The following PIK3CD variants were observed in gnomAD, a reference collection of about 807,000 sequenced individuals.
The protein encoded by PIK3CD is phosphatidylinositol 4,5-bisphosphate 3-kinase catalytic subunit delta isoform.
PIK3CD carries 20 observed loss-of-function variants against 122.9 expected under a neutral mutation model. The observed-to-expected ratio is 0.16, with a 90% confidence interval of 0.11 to 0.24. PIK3CD has a LOEUF of 0.24. Ranked by LOEUF, PIK3CD falls within the 10% of genes least tolerant of loss-of-function variation. The pLI, the probability that PIK3CD is intolerant of heterozygous loss-of-function variation, is 1.00. For synonymous variants in PIK3CD, 596 were observed against 593.4 expected, an observed-to-expected ratio of 1.00 and a Z score of -0.06; for missense variants, 787 against 1,406.3, an observed-to-expected ratio of 0.56 and a Z score of 7.04.
intron 14 of PIK3CD, 26 bp from the exon 15 acceptor site, chr1:9,721,418 G>A: frequency 6.2e-7 from 1 of 1,612,562 alleles, no homozygotes; most frequent in Non-Finnish European, 8.5e-7. Context: ...GGGAGCTCCA[G>A]GCCCCAGCGC....
At chr1:9,693,780 C>A (rs1004911844) in intron 2 of PIK3CD, among the ~76,000 whole-genome samples, 1 of 151,500 alleles carries the variant, frequency 6.6e-6, no homozygotes, top group African/African-American at 2.4e-5. Context: ...GAGAGGGAAG[C>A]TGAGTGGAGA....
chr1:9,663,234 C>A (rs1009090831), intron 1 of PIK3CD, among the ~76,000 whole-genome samples: 3 of 152,208 alleles, frequency 2.0e-5, no homozygotes, highest in African/African-American at 2.4e-5. Flanking sequence ...CCCAGGGCTA[C>A]CAGCCTCAGT....
rs746707652 is a variant in PIK3CD at position 9,717,617 on chromosome 1, G to A, written c.1011G>A (p.Glu337=). Residue 337 remains glutamate (E), a synonymous_variant, in exon 8 of 24, where the codon GAG becomes GAA. Transcript: ENST00000377346. This position sits in a 1 kb window ranked among gnomAD's most constrained non-coding sequence, Gnocchi z 5.4. ...AGGGCAGCAAAGTGAACGCCGACGA[G>A]CGGATGAAGGTGGGGCTCCTGGGAT... ...LIQGSKVNAD[E]RMKLVVQAGL... is the part of the protein sequence containing the mutation. 6 of 1,614,020 alleles carry A rather than the reference G, an allele frequency of 3.7e-6. No homozygotes were observed. In the African/African-American group the frequency reaches 6.7e-5, roughly 18 times the overall value.
At chr1:9,628,017 C>T in the PIK3CD span, among the ~76,000 whole-genome samples, 1 of 152,188 alleles carries the variant, frequency 6.6e-6, no homozygotes, top group South Asian at 2.1e-4. Context: ...TCACTGCGAT[C>T]CAGCCTGGGC....
Position 9,699,889 on chromosome 1 carries a change from G to A in PIK3CD, c.-33+8318G>A, listed in dbSNP as rs140210960. Among the ~76,000 whole-genome samples, 512 of 152,180 alleles carry A rather than the reference G, an allele frequency of 3.4e-3. 5 individuals carry two copies. Among genetic ancestry groups the A allele is most frequent in the African/African-American group, 0.012 (494 of 41,524 alleles). ...ATTACAGGCGTGAGCCACCGCCCCC[G>A]GCCCAGGCCTTTGCACTTTCTGTCC... is the stretch of plus-strand genomic sequence containing the variant. On this transcript the variant is annotated intron_variant, in intron 2 of 23. Transcript: ENST00000377346.
At chr1:9,675,558 C>G (rs895845598) in intron 1 of PIK3CD, among the ~76,000 whole-genome samples, 2 of 152,016 alleles carry the variant, frequency 1.3e-5, no homozygotes, top group Non-Finnish European at 2.9e-5. Flanking sequence ...CCTCCAAACA[C>G]GGGCTTGTTC....
Position 9,717,747 on chromosome 1 carries a change from C to T in PIK3CD, c.1020+121C>T. 1 of 910,040 alleles carries T rather than the reference C, an allele frequency of 1.1e-6. No individual in the cohort carries two copies. Among genetic ancestry groups the T allele is most frequent in the Non-Finnish European group, 1.8e-6 (1 of 568,318 alleles). The allele number at this position is 910,040 out of a possible 1,614,324, so 56.4% of individuals were successfully genotyped here. A position where few individuals can be genotyped will look rare whatever the true frequency, so the allele number is the denominator to read the frequency against. On this transcript the variant is annotated intron_variant, in intron 8 of 23. Transcript: ENST00000377346. This position sits in a 1 kb window ranked among gnomAD's most constrained non-coding sequence, Gnocchi z 5.4. ...ATGAAAGCCACCTGACCACATTACC[C>T]AGCATCCCTGCCTGGGGCGCTGTGA...
chr1:9,707,590 T>G (rs1646887451), intron 2 of PIK3CD, among the ~76,000 whole-genome samples: 1 of 151,954 alleles, frequency 6.6e-6, no homozygotes, highest in South Asian at 2.1e-4. Flanking sequence ...AGCTCCCACT[T>G]ATAGGTGAGA....
rs568849273 is a variant in PIK3CD at position 9,724,455 on chromosome 1, GGT to G, written c.2864+38_2864+39del. The G allele has an allele frequency of 2.8e-3, 4,580 of 1,613,214 alleles. 15 individuals are homozygous for G. Among genetic ancestry groups the G allele is most frequent in the Middle Eastern group, 5.0e-3 (30 of 6,048 alleles). ...GCCTGAGCCCCACCAGATGCCCCTC[GGT>G]GTGGGGCCCCAGGGAACAGGGCAGA... On this transcript the variant is annotated intron_variant, in intron 22 of 23. Coordinates refer to ENST00000377346, the MANE Select transcript of PIK3CD (RefSeq NM_005026.5). The surrounding 1 kb of genome is among the most constrained non-coding windows in gnomAD (Gnocchi z 7.3).
chr1:9,670,570 G>A (rs1266819055), intron 1 of PIK3CD, among the ~76,000 whole-genome samples: 1 of 152,038 alleles, frequency 6.6e-6, no homozygotes, highest in African/African-American at 2.4e-5. Context: ...TAAGTTTCTG[G>A]GTTCTCATCT....
chr1:9,688,839 C>T (rs765873495), intron 1 of PIK3CD, among the ~76,000 whole-genome samples: 47 of 151,848 alleles, frequency 3.1e-4, no homozygotes, highest in Non-Finnish European at 5.4e-4. Flanking sequence ...AAAACAAAAA[C>T]ACTGGAGCGC....
chr1:9,719,481 A>G lies in PIK3CD; in HGVS notation c.1243-440A>G, dbSNP rs1648129594. ...TGAGACCAGCCTGGCCAATATGGTG[A>G]AACCCTGTCTCTACTGAAAATACAA... On this transcript the variant is annotated intron_variant, in intron 9 of 23. Transcript: ENST00000377346. This position sits in a 1 kb window ranked among gnomAD's most constrained non-coding sequence, Gnocchi z 5.5. 6.6e-6 allele frequency among the ~76,000 whole-genome samples: 1 copy of G among 152,144 alleles called. No homozygotes were observed. Among genetic ancestry groups the G allele is most frequent in the South Asian group, 2.1e-4 (1 of 4,828 alleles).
rs115748644 is a variant in PIK3CD at position 9,690,546 on chromosome 1, C to G, written c.-137-921C>G. ...CTGTTTCTCTGGTGGCAGTGCCTTGCGAAGTGCTTGCCACTGTCCCCTGGA... is the reference window on the plus strand; with the variant it reads ...CTGTTTCTCTGGTGGCAGTGCCTTGGGAAGTGCTTGCCACTGTCCCCTGGA... On this transcript the variant is annotated intron_variant, in intron 1 of 23. Transcript: ENST00000377346. 3.3e-3 allele frequency among the ~76,000 whole-genome samples: 510 copies of G among 152,264 alleles called. 2 individuals are homozygous for G. The highest frequency in any genetic ancestry group is 2.3e-3 in the Non-Finnish European group (157 of 68,010).
At chr1:9,669,421 G>T (rs1417891152) in intron 1 of PIK3CD, among the ~76,000 whole-genome samples, 1 of 152,178 alleles carries the variant, frequency 6.6e-6, no homozygotes, top group Middle Eastern at 3.2e-3. Context: ...ACAGTCTCAA[G>T]AGGTCCTGAG....
At chr1:9,690,685 G>A (rs1646167156) in intron 1 of PIK3CD, among the ~76,000 whole-genome samples, 1 of 152,184 alleles carries the variant, frequency 6.6e-6, no homozygotes, top group Non-Finnish European at 1.5e-5. Context: ...GTCCTTGGGA[G>A]ATGTGTTCCT....
intron 2 of PIK3CD, among the ~76,000 whole-genome samples, chr1:9,693,149 C>T (rs1425650904): frequency 6.6e-6 from 1 of 152,184 alleles, no homozygotes; most frequent in East Asian, 1.9e-4. Context: ...GAGAAAACCA[C>T]TGTTTCCTCG....
At chr1:9,661,716 G>A (rs1220376151) in intron 1 of PIK3CD, among the ~76,000 whole-genome samples, 2 of 152,146 alleles carry the variant, frequency 1.3e-5, no homozygotes, top group Admixed American at 1.3e-4. Context: ...ACAAAAATTG[G>A]CCGGGCGCGG....
the PIK3CD span, among the ~76,000 whole-genome samples, chr1:9,628,967 G>A: frequency 6.6e-6 from 1 of 152,176 alleles, no homozygotes; most frequent in Non-Finnish European, 1.5e-5. Flanking sequence ...TGCCGTCTGT[G>A]GTCTGCCCTG....
At chr1:9,716,906 C>G (rs1647563260) in intron 6 of PIK3CD, 53 bp from the exon 7 acceptor site, 2 of 1,612,066 alleles carry the variant, frequency 1.2e-6, no homozygotes, top group Admixed American at 3.3e-5. Flanking sequence ...TCCTGGTGTC[C>G]AGGGAGTGGT....
Sources: gnomAD v4.1 joint callset for allele counts (sites outside exome capture counted in the v4.1 genomes callset) on GRCh38, gnomAD v4.1.1 for gene constraint, Gnocchi (gnomAD v3.1) non-coding constraint, MANE v1.5 for transcripts, NCBI Gene and HGNC (gene_info 2026-07-23, HGNC 2026-07-21) for gene names.